Variants in URB1 observed in about 807,000 individuals in gnomAD.
URB1 encodes the protein URB1 ribosome biogenesis factor.
Under a neutral mutation model 242.3 loss-of-function variants are expected in URB1, and 197 were observed. That is an observed-to-expected ratio of 0.81 (90% CI 0.72 to 0.91). URB1 has a LOEUF of 0.91. URB1 is among the 40% of genes least tolerant of loss of function. URB1 has a pLI of 0.00. For synonymous variants in URB1, 1,153 were observed against 1,201.8 expected (o/e 0.96, Z 0.84); for missense variants, 2,721 against 2,860.5 (o/e 0.95, Z 1.11).
intron 9 of URB1, among the ~76,000 whole-genome samples, chr21:32,368,129 G>A (rs777984006): frequency 2.0e-5 from 3 of 152,150 alleles, no homozygotes; most frequent in Admixed American, 6.5e-5. Flanking sequence ...GTGCAGTGGC[G>A]CGATCTCAGC....
At chr21:32,351,109 G>A (rs913902170) in intron 19 of URB1, among the ~76,000 whole-genome samples, 187 bp from the exon 20 acceptor site, 3 of 152,336 alleles carry the variant, frequency 2.0e-5, no homozygotes, top group Non-Finnish European at 2.9e-5. Context: ...CATGTCATGC[G>A]TACTTTCCTA....
chr21:32,349,514 G>A (rs975967851), intron 20 of URB1, 31 bp from the exon 21 acceptor site: 3 of 1,508,520 alleles, frequency 2.0e-6, no homozygotes, highest in African/African-American at 2.8e-5. Flanking sequence ...GCCTCAGCAG[G>A]GAAGAGACGG....
chr21:32,357,534 C>A lies in URB1; in HGVS notation c.1989+3G>T. ...GAGTTAGAAACTGGTAGAAAATGCT[C>A]ACCTTCATGATCAGAAGTTTGGTCA... On this transcript the variant is annotated splice_donor_region_variant and intron_variant, in intron 15 of 38. Transcript: ENST00000382751. 6.7e-7 allele frequency: 1 copy of A among 1,501,386 alleles called. No individual in the cohort carries two copies. The highest frequency in any genetic ancestry group is 8.9e-7 in the Non-Finnish European group (1 of 1,129,244). 93.0% of individuals were successfully genotyped at this position (1,501,386 alleles called of 1,614,324 possible).
chr21:32,385,232 G>A (rs146158120), intron 2 of URB1, among the ~76,000 whole-genome samples: 136 of 152,322 alleles, frequency 8.9e-4, no homozygotes, highest in African/African-American at 3.2e-3. Context: ...TTGTGAGTCT[G>A]TGACACCACA....
chr21:32,334,463 G>A lies in URB1; in HGVS notation c.4686-129C>T, dbSNP rs188684626. 2.7e-5 allele frequency: 29 copies of A among 1,086,710 alleles called. No homozygotes were observed. In the East Asian group the frequency reaches 3.5e-4, roughly 13 times the overall value. 67.3% of individuals were successfully genotyped at this position (1,086,710 alleles called of 1,614,324 possible). On this transcript the variant is annotated intron_variant, in intron 28 of 38. Coordinates refer to ENST00000382751, the MANE Select transcript of URB1 (RefSeq NM_014825.3). ...CCAGGTGCTGTTCTGAGCATGCGAC[G>A]TGTTATATCACTCAATCCCATCACA...
chr21:32,334,983 A>G (rs375506914), intron 28 of URB1, among the ~76,000 whole-genome samples: 1 of 146,866 alleles, frequency 6.8e-6, no homozygotes, highest in African/African-American at 2.5e-5. Flanking sequence ...ACTTCCCCCA[A>G]CTCTCCTCCT....
chr21:32,330,197 G>GTTTTTTTTT (rs34078592), intron 30 of URB1, among the ~76,000 whole-genome samples: 1 of 84,700 alleles, frequency 1.2e-5, no homozygotes. Context: ...TTTGGGGAGT[G>GTTTTTTTTT]TTTTTTTTTT....
chr21:32,370,547 T>G (rs891753037), intron 8 of URB1, among the ~76,000 whole-genome samples: 1 of 152,212 alleles, frequency 6.6e-6, no homozygotes, highest in South Asian at 2.1e-4. Flanking sequence ...CTCTAAGCAG[T>G]TACCACCACG....
intron 34 of URB1, among the ~76,000 whole-genome samples, chr21:32,321,263 C>T (rs188307224): frequency 1.3e-5 from 2 of 152,340 alleles, no homozygotes; most frequent in East Asian, 3.9e-4. Flanking sequence ...TTTCCTTCTA[C>T]CACCTACCTG....
intron 38 of URB1, among the ~76,000 whole-genome samples, chr21:32,316,105 A>ACG (rs367585220): frequency 2.6e-5 from 4 of 152,370 alleles, no homozygotes; most frequent in Middle Eastern, 3.4e-3. Flanking sequence ...ATACGCACGC[A>ACG]CGCGCACACA....
At chr21:32,353,887 C>G in intron 18 of URB1, 46 bp downstream of exon 18, 1 of 1,538,448 alleles carries the variant, frequency 6.5e-7, no homozygotes, top group East Asian at 2.4e-5. Context: ...CCTGCACAGA[C>G]TAGCCGGCCA....
rs1568837717 is a variant in URB1, at chr21:32,392,814, C to G, written c.97G>C (p.Val33Leu). The G allele has an allele frequency of 6.5e-7, 1 of 1,530,036 alleles. No individual in the cohort carries two copies. Among genetic ancestry groups the G allele is most frequent in the African/African-American group, 1.4e-5 (1 of 72,292 alleles). 94.8% of individuals were successfully genotyped at this position (1,530,036 alleles called of 1,614,324 possible). ...KRARKEELTG[V>L]RFKAQLKDPQ... is the part of the protein sequence containing the mutation. The stretch of plus-strand genomic sequence containing the variant: ...TCCTTCAGCTGAGCCTTGAACCGCA[C>G]GCCCGTGAGCTCTTCTTTGCGGGCG... Residue 33 changes from valine to leucine, a missense_variant, in exon 1 of 39, where the codon GTG becomes CTG. Transcript: ENST00000382751.
chr21:32,350,635 G>T, intron 20 of URB1, 69 bp downstream of exon 20: 2 of 1,506,852 alleles, frequency 1.3e-6, no homozygotes, highest in South Asian at 2.5e-5. Flanking sequence ...CTGTGGGCCC[G>T]ACTCAGAGAA....
rs957612587 is a variant in URB1 at position 32,379,958 on chromosome 21, G to A, written c.568-1417C>T. Among the ~76,000 whole-genome samples, 52 of 150,442 alleles carry A rather than the reference G, an allele frequency of 3.5e-4. 2 individuals carry two copies. In the South Asian group the frequency reaches 9.0e-3, roughly 26 times the overall value. ...CACGCCACTGCACTCCAACCTGGGC[G>A]ACAGAGCGAGACTCCATCTCAAAAA... On this transcript the variant is annotated intron_variant, in intron 4 of 38. Coordinates refer to ENST00000382751, the MANE Select transcript of URB1 (RefSeq NM_014825.3).
In URB1 at chr21:32,350,985, T is replaced by C. The variant is rs117829689; in HGVS notation, c.2614-63A>G. 1,648 of 1,467,460 alleles carry C rather than the reference T, an allele frequency of 1.1e-3. 38 individuals carry two copies. In the East Asian group the frequency reaches 0.033, roughly 30 times the overall value. The allele number at this position is 1,467,460 out of a possible 1,614,324, so 90.9% of individuals were successfully genotyped here. ...ACATCACCACAGATGAAAACGGTCATAGGCACAGGTAACACACAACAAACG... is the reference window on the plus strand; with the variant it reads ...ACATCACCACAGATGAAAACGGTCACAGGCACAGGTAACACACAACAAACG... On this transcript the variant is annotated intron_variant, in intron 19 of 38. Coordinates refer to ENST00000382751, the MANE Select transcript of URB1 (RefSeq NM_014825.3).
chr21:32,349,870 A>G lies in URB1; in HGVS notation c.2833-387T>C, dbSNP rs375623073. On this transcript the variant is annotated intron_variant, in intron 20 of 38. Transcript: ENST00000382751. ...AGCACTTCGGGAGGCTGTGGCGGGT[A>G]TATCACCTGAGGTCAGGAGTTCAAG... 4.6e-5 allele frequency among the ~76,000 whole-genome samples: 7 copies of G among 151,872 alleles called. No homozygotes were observed. The East Asian group carries it at 7.8e-4, about 17-fold the overall frequency.
chr21:32,324,576 C>T lies in URB1; in HGVS notation c.5148G>A (p.Arg1716=). 6.4e-7 allele frequency: 1 copy of T among 1,551,720 alleles called. No homozygotes were observed. Among genetic ancestry groups the T allele is most frequent in the Non-Finnish European group, 8.7e-7 (1 of 1,146,962 alleles). The part of the protein sequence containing the change: ...SQLLYLLDVV[R]NGIRTQDMRL... ...TCATGTCCTGAGTTCGAATCCCATT[C>T]CGGACTACATCCAACAGGTAAAGTA... Residue 1716 remains arginine, a synonymous_variant, in exon 32 of 39, where the codon CGG becomes CGA. Transcript: ENST00000382751.
At chr21:32,356,400 A>G (rs920943769) in intron 15 of URB1, among the ~76,000 whole-genome samples, 5 of 152,178 alleles carry the variant, frequency 3.3e-5, no homozygotes, top group African/African-American at 1.2e-4. Flanking sequence ...TCAAACAAAC[A>G]AAAAAGACAA....
At chr21:32,370,043 G>T (rs143508975) in intron 8 of URB1, among the ~76,000 whole-genome samples, 2 of 150,640 alleles carry the variant, frequency 1.3e-5, no homozygotes, top group Non-Finnish European at 3.0e-5. Flanking sequence ...CATAAAGGGA[G>T]TAAAATCCCA....
Sources: gnomAD v4.1 joint callset for allele counts (sites outside exome capture counted in the v4.1 genomes callset) on GRCh38, gnomAD v4.1.1 for gene constraint, MANE v1.5 for transcripts, NCBI Gene and HGNC (gene_info 2026-07-23, HGNC 2026-07-21) for gene names.